CABIN1: variants seen among roughly 807,000 people sequenced by gnomAD.
The protein encoded by CABIN1 is calcineurin binding protein 1, also known as calcineurin-binding protein cabin-1.
In CABIN1, 133 loss-of-function variants were observed where a neutral mutation model predicts 227.7. That is an observed-to-expected ratio of 0.58 (90% CI 0.51 to 0.67). The LOEUF is 0.67. Ranked by LOEUF, CABIN1 falls within the 30% of genes least tolerant of loss-of-function variation. The probability of loss-of-function intolerance (pLI) is 0.00; values close to 1 mark genes in which losing one functional copy is unlikely to be tolerated. For synonymous variants in CABIN1, 1,086 were observed against 1,155.1 expected (o/e 0.94, Z 1.21); for missense variants, 2,408 against 2,852.5 (o/e 0.84, Z 3.55).
At chr22:24,169,312 C>T (rs544548189) in intron 33 of CABIN1, among the ~76,000 whole-genome samples, 34 of 152,216 alleles carry the variant, frequency 2.2e-4, no homozygotes, top group African/African-American at 7.2e-4. Context: ...AGGGGTGTCC[C>T]GATGCCCCCG....
chr22:24,083,997 C>G (rs2040978080), intron 20 of CABIN1, among the ~76,000 whole-genome samples: 1 of 152,154 alleles, frequency 6.6e-6, no homozygotes, highest in South Asian at 2.1e-4. Flanking sequence ...TAGGACAGAG[C>G]CCCTGCTGTG....
chr22:24,161,900 C>G (rs891423854), intron 29 of CABIN1, among the ~76,000 whole-genome samples: 4 of 152,204 alleles, frequency 2.6e-5, no homozygotes, highest in Admixed American at 6.5e-5. Context: ...TCCTCAGCAC[C>G]TTGGTTCTCT....
At chr22:24,022,005 A>G (rs550253330) in intron 1 of CABIN1, among the ~76,000 whole-genome samples, 2 of 152,306 alleles carry the variant, frequency 1.3e-5, no homozygotes, top group East Asian at 1.9e-4. Flanking sequence ...TGACTGTCAT[A>G]TCATCAGTGT....
chr22:24,026,243 G>A (rs2036080595), intron 1 of CABIN1, among the ~76,000 whole-genome samples: 1 of 152,170 alleles, frequency 6.6e-6, no homozygotes, highest in Admixed American at 6.5e-5. Flanking sequence ...CAAAGTACTG[G>A]GATTATAGGT....
chr22:24,141,202 C>T (rs2044737020), intron 29 of CABIN1, among the ~76,000 whole-genome samples: 1 of 152,222 alleles, frequency 6.6e-6, no homozygotes, highest in Admixed American at 6.5e-5. Context: ...AGGCCCTGCC[C>T]TGGCTTGAAT....
chr22:24,091,875 AG>A (rs1431826523), intron 24 of CABIN1, 32 bp downstream of exon 24: 3 of 1,609,760 alleles, frequency 1.9e-6, no homozygotes, highest in Non-Finnish European at 2.5e-6. Flanking sequence ...GCGGGGAAGC[AG>A]GGCAGGGGCA....
intron 34 of CABIN1, among the ~76,000 whole-genome samples, 164 bp downstream of exon 34, chr22:24,172,159 CT>C (rs1311000543): frequency 3.9e-5 from 6 of 152,260 alleles, no homozygotes; most frequent in Admixed American, 3.9e-4. Context: ...TCACCAGTCA[CT>C]GGCAGCCTCG....
intron 18 of CABIN1, among the ~76,000 whole-genome samples, chr22:24,072,814 G>T (rs1416802620): frequency 6.6e-6 from 1 of 152,190 alleles, no homozygotes; most frequent in African/African-American, 2.4e-5. Context: ...GCTCCAGGAG[G>T]CCTTGTATCC....
intron 27 of CABIN1, among the ~76,000 whole-genome samples, chr22:24,115,416 G>A (rs549015155): frequency 6.6e-6 from 1 of 152,220 alleles, no homozygotes; most frequent in African/African-American, 2.4e-5. Flanking sequence ...GAAAGTTAGG[G>A]TAGGACCAAA....
intron 26 of CABIN1, 99 bp from the exon 27 acceptor site, chr22:24,113,467 C>T (rs1172256190): frequency 8.7e-7 from 1 of 1,147,354 alleles, no homozygotes; most frequent in Non-Finnish European, 1.3e-6. Context: ...CAAAGCAGTC[C>T]CCAGGCCACC....
intron 24 of CABIN1, among the ~76,000 whole-genome samples, chr22:24,093,221 C>G (rs1000159143): frequency 3.3e-5 from 5 of 152,188 alleles, no homozygotes; most frequent in African/African-American, 1.2e-4. Context: ...ATGAGGTTCT[C>G]TTTTTAATAT....
intron 29 of CABIN1, among the ~76,000 whole-genome samples, chr22:24,164,064 C>T (rs895275722): frequency 3.9e-5 from 6 of 152,226 alleles, no homozygotes; most frequent in Admixed American, 1.3e-4. Flanking sequence ...GGGAGGTGTA[C>T]ACACTGGGCC....
At chr22:24,119,833 C>T in intron 28 of CABIN1, 135 bp downstream of exon 28, 1 of 929,114 alleles carries the variant, frequency 1.1e-6, no homozygotes, top group South Asian at 1.4e-5. Flanking sequence ...AGGAGAGCTG[C>T]AGGAGGCAGG....
At chr22:24,143,696 G>T (rs2044925897) in intron 29 of CABIN1, among the ~76,000 whole-genome samples, 1 of 152,156 alleles carries the variant, frequency 6.6e-6, no homozygotes, top group South Asian at 2.1e-4. Flanking sequence ...GGCTTGATCG[G>T]GGGGTGCCTC....
At chr22:24,152,706 T>C (rs2045556352) in intron 29 of CABIN1, among the ~76,000 whole-genome samples, 1 of 151,700 alleles carries the variant, frequency 6.6e-6, no homozygotes, top group Admixed American at 6.6e-5. Flanking sequence ...TCCCAGCACT[T>C]TGGGAGGCTG....
intron 26 of CABIN1, among the ~76,000 whole-genome samples, chr22:24,108,369 T>TA (rs2042630239): frequency 1.3e-5 from 2 of 152,204 alleles, no homozygotes; most frequent in African/African-American, 4.8e-5. Flanking sequence ...GATCCCCTCA[T>TA]GCTGGGGACT....
chr22:24,099,829 G>A (rs2042103370), intron 26 of CABIN1, among the ~76,000 whole-genome samples: 2 of 152,198 alleles, frequency 1.3e-5, no homozygotes, highest in Non-Finnish European at 2.9e-5. Flanking sequence ...AGCTCTGCAG[G>A]CTCCCACTGA....
chr22:24,024,753 C>T (rs1467970390), intron 1 of CABIN1, among the ~76,000 whole-genome samples: 1 of 152,002 alleles, frequency 6.6e-6, no homozygotes, highest in Non-Finnish European at 1.5e-5. Flanking sequence ...AATTGCCTTT[C>T]CTTCACATTC....
At chr22:24,113,957 G>C (rs1341696757) in intron 27 of CABIN1, among the ~76,000 whole-genome samples, 3 of 152,234 alleles carry the variant, frequency 2.0e-5, no homozygotes, top group East Asian at 3.9e-4. Flanking sequence ...GGTGCACACA[G>C]AGCCCAGCAC....
Sources: gnomAD v4.1 joint callset for allele counts (sites outside exome capture counted in the v4.1 genomes callset) on GRCh38, gnomAD v4.1.1 for gene constraint, MANE v1.5 for transcripts, NCBI Gene and HGNC (gene_info 2026-07-23, HGNC 2026-07-21) for gene names.